RHBDF1: variants seen among roughly 807,000 people sequenced by gnomAD.
RHBDF1 encodes inactive rhomboid protein 1.
RHBDF1 carries 80 observed loss-of-function variants against 98.6 expected under a neutral mutation model. That is an observed-to-expected ratio of 0.81 (90% confidence interval 0.68 to 0.98). The LOEUF (loss-of-function observed/expected upper bound fraction) is 0.98, where lower values mean the gene tolerates loss of function less well. RHBDF1 is among the 50% of genes least tolerant of loss of function. The probability of loss-of-function intolerance (pLI) is 0.00; values close to 1 mark genes in which losing one functional copy is unlikely to be tolerated. For missense variants in RHBDF1, 1,116 were observed against 1,198.3 expected, an observed-to-expected ratio of 0.93 and a Z score of 1.01; for synonymous variants, 512 against 486.8, an observed-to-expected ratio of 1.05 and a Z score of -0.68.
chr16:64,763 G>T lies in RHBDF1; in HGVS notation c.184C>A (p.Pro62Thr). ...MPAETAHISS[P>T]HHELRRPVLQ... ...ACCGGCCGCCGGAGCTCATGGTGGG[G>T]TGAAGAGATGTGGGCTGTCTCGGCT... The change falls in exon 3 of 18, where the codon CCC (proline) becomes ACC (threonine). Residue 62 changes from proline (P) to threonine (T), a missense_variant. Pro to Thr is a conservative substitution (Grantham distance 38). Transcript: ENST00000262316. 2 of 1,614,112 alleles carry T rather than the reference G, an allele frequency of 1.2e-6. No individual in the cohort carries two copies. Among genetic ancestry groups the T allele is most frequent in the South Asian group, 2.2e-5 (2 of 91,082 alleles).
chr16:59,973 GTCTC>G lies in RHBDF1; in HGVS notation c.1723-151_1723-148del, dbSNP rs1239253951. The G allele has an allele frequency of 1.2e-5, 18 of 1,492,692 alleles. 1 individual carries two copies. The Admixed American group carries it at 3.6e-4, about 30-fold the overall frequency. The allele number at this position is 1,492,692 out of a possible 1,614,324, so 92.5% of individuals were successfully genotyped here. On this transcript the variant is annotated intron_variant, in intron 13 of 17. Transcript: ENST00000262316. ...GACTTCAAGCAGGCCACCACACTGA[GTCTC>G]TATCAAACTGGAATAATGTCACTTG... is the stretch of plus-strand genomic sequence containing the variant.
rs1897648561 is a variant in RHBDF1 at position 61,991 on chromosome 16, G to A, written c.1015C>T (p.Arg339Trp). 1 of 1,572,620 alleles carries A rather than the reference G, an allele frequency of 6.4e-7. No homozygotes were observed. The highest frequency in any genetic ancestry group is 2.3e-5 in the East Asian group (1 of 43,048). Residue 339 changes from arginine (R) to tryptophan (W), a missense_variant, in exon 8 of 18, where the codon CGG becomes TGG. By Grantham distance (101) the Arg-to-Trp change is moderately radical (BLOSUM62 -3). Coordinates refer to ENST00000262316, the MANE Select transcript of RHBDF1 (RefSeq NM_022450.5). ...GTGCTCACCACCTCCTGTCGGAGCC[G>A]CACCTTGGGCTGCGGGGCTGCGGCG... ...EGAAAPQPKV[R>W]LRQEVVSTAG...
intron 10 of RHBDF1, 44 bp from the exon 11 acceptor site, chr16:61,325 C>T: frequency 1.3e-6 from 2 of 1,543,112 alleles, no homozygotes; most frequent in African/African-American, 1.4e-5. Context: ...GGGCCTCCTG[C>T]CCCCGCCGGG....
At chr16:62,431 G>A in intron 7 of RHBDF1, 107 bp downstream of exon 7, 3 of 1,433,918 alleles carry the variant, frequency 2.1e-6, no homozygotes, top group Non-Finnish European at 2.9e-6. Context: ...CAGTCCCTGA[G>A]GCTACCCCTT....
rs1266476871 is a variant in RHBDF1, at chr16:63,617, G to A, written c.432C>T (p.Tyr144=). ...GCATGCCCAGCTGGCATGGCCCCACGTAGAGTGGGGGTGGCGTCTCGGTGC... is the reference window on the plus strand; with the variant it reads ...GCATGCCCAGCTGGCATGGCCCCACATAGAGTGGGGGTGGCGTCTCGGTGC... ...LTSTETPPPL[Y]VGPCQLGMQK... is the part of the protein sequence containing the mutation. Residue 144 remains tyrosine (Y), a synonymous_variant, in exon 4 of 18, where the codon TAC becomes TAT. Coordinates refer to ENST00000262316, the MANE Select transcript of RHBDF1 (RefSeq NM_022450.5). 8.8e-6 allele frequency: 14 copies of A among 1,582,356 alleles called. No individual in the cohort carries two copies. Among genetic ancestry groups the A allele is most frequent in the East Asian group, 4.5e-5 (2 of 44,544 alleles).
chr16:58,840 T>C, intron 17 of RHBDF1, 81 bp from the exon 18 acceptor site: 3 of 1,558,240 alleles, frequency 1.9e-6, no homozygotes, highest in Non-Finnish European at 2.6e-6. Flanking sequence ...TCTGCCCCAC[T>C]TCCCATGGCC....
intron 13 of RHBDF1, 37 bp downstream of exon 13, chr16:60,179 C>A (rs771563359): frequency 3.1e-6 from 5 of 1,613,480 alleles, no homozygotes; most frequent in African/African-American, 2.7e-5. Context: ...CCACATGACA[C>A]GGAGGGCTCC....
chr16:58,804 G>A (rs770785026), intron 17 of RHBDF1, 45 bp from the exon 18 acceptor site: 2 of 1,589,652 alleles, frequency 1.3e-6, no homozygotes, highest in Non-Finnish European at 1.7e-6. Context: ...GGCTGGGCAG[G>A]CCCCCTGGAC....
chr16:61,770 C>T lies in RHBDF1; in HGVS notation c.1208+28G>A. ...CACCCTCCCCCGGGAGCCTCCATCCCAACCCAGGCCTTGCCTGCCACGCCT... is the reference window on the plus strand; with the variant it reads ...CACCCTCCCCCGGGAGCCTCCATCCTAACCCAGGCCTTGCCTGCCACGCCT... On this transcript the variant is annotated intron_variant, in intron 8 of 17. Coordinates refer to ENST00000262316, the MANE Select transcript of RHBDF1 (RefSeq NM_022450.5). 1.9e-6 allele frequency: 3 copies of T among 1,612,336 alleles called. No homozygotes were observed. In the South Asian group the frequency reaches 3.3e-5, roughly 18 times the overall value.
chr16:61,295 AGACGAGC>A lies in RHBDF1; in HGVS notation c.1396-21_1396-15del. Reference sequence around the variant, plus strand: ...GATGAGGGCCTCCTGCGGGCGAGGGAGACGAGCGGCCGCAGTCCGGGGCCTCCTGCCC... The same window carrying A: ...GATGAGGGCCTCCTGCGGGCGAGGGAGGCCGCAGTCCGGGGCCTCCTGCCC... On this transcript the variant is annotated splice_polypyrimidine_tract_variant and intron_variant, in intron 10 of 17. Transcript: ENST00000262316. 1 of 1,542,320 alleles carries A rather than the reference AGACGAGC, an allele frequency of 6.5e-7. No individual in the cohort carries two copies. The highest frequency in any genetic ancestry group is 8.7e-7 in the Non-Finnish European group (1 of 1,143,396).
At chr16:69,573 C>A (rs2141867664) in intron 1 of RHBDF1, among the ~76,000 whole-genome samples, 1 of 152,158 alleles carries the variant, frequency 6.6e-6, no homozygotes, top group Non-Finnish European at 1.5e-5. Flanking sequence ...AAGCTCAATC[C>A]TAGATCTCCC....
intron 13 of RHBDF1, 166 bp from the exon 14 acceptor site, chr16:59,992 A>G: frequency 6.8e-7 from 1 of 1,479,250 alleles, no homozygotes; most frequent in Non-Finnish European, 9.0e-7. Flanking sequence ...AAACTGGAAT[A>G]ATGTCACTTG....
rs936029415 is a variant in RHBDF1, at chr16:72,522, C to T, written c.-34G>A. The T allele has an allele frequency of 4.8e-6, 4 of 831,030 alleles. No homozygotes were observed. The African/African-American group carries it at 1.9e-4, about 39-fold the overall frequency. 51.5% of individuals were successfully genotyped at this position (831,030 alleles called of 1,614,324 possible). A position where few individuals can be genotyped will look rare whatever the true frequency, so the allele number is the denominator to read the frequency against. On this transcript the variant is annotated 5_prime_UTR_variant, in exon 1 of 18. Transcript: ENST00000262316. Reference sequence around the variant, plus strand: ...GGCCGCGCTCACTCACTGCCGCCGCCGGGGGCTCTGGGGGGTCCTGAGGGC... The same window carrying T: ...GGCCGCGCTCACTCACTGCCGCCGCTGGGGGCTCTGGGGGGTCCTGAGGGC...
chr16:68,071 G>A (rs1447469095), intron 1 of RHBDF1, among the ~76,000 whole-genome samples: 3 of 152,174 alleles, frequency 2.0e-5, no homozygotes, highest in African/African-American at 7.2e-5. Context: ...CTCAGCCGGG[G>A]ACCACAGTCG....
At chr16:69,140 G>A (rs925251442) in intron 1 of RHBDF1, among the ~76,000 whole-genome samples, 1 of 152,140 alleles carries the variant, frequency 6.6e-6, no homozygotes, top group Admixed American at 6.5e-5. Flanking sequence ...GGCAGCCCTG[G>A]GGACACCTGG....
chr16:68,496 C>A (rs1329388540), intron 1 of RHBDF1, among the ~76,000 whole-genome samples: 2 of 152,238 alleles, frequency 1.3e-5, no homozygotes, highest in African/African-American at 4.8e-5. Context: ...AGTGTCTCCC[C>A]CACCCCGCTG....
chr16:59,494 C>A lies in RHBDF1; in HGVS notation c.1818G>T (p.Arg606Ser). 1.9e-6 allele frequency: 3 copies of A among 1,613,040 alleles called. No homozygotes were observed. Among genetic ancestry groups the A allele is most frequent in the Non-Finnish European group, 2.5e-6 (3 of 1,179,800 alleles). The change falls in exon 15 of 18, where the codon AGG becomes AGT. Residue 606 changes from arginine (R) to serine (S), a missense_variant and splice_region_variant. Arg to Ser is a moderately radical substitution (Grantham distance 110). Coordinates refer to ENST00000262316, the MANE Select transcript of RHBDF1 (RefSeq NM_022450.5). ...AGTACTCCCGGGAGGTGATCTCACA[C>A]CTAGAAAGGCAGGCCAGGGTTCGGA... Reference protein sequence around the residue: ...GRPCCIGTKGRCEITSREYCD... With the variant: ...GRPCCIGTKGSCEITSREYCD...
At chr16:74,650 C>G (rs1426387416), upstream of RHBDF1, 1 of 152,186 alleles carries the variant, frequency 6.6e-6, no homozygotes, top group Admixed American at 6.5e-5. Context: ...GGGGTCGATA[C>G]ACGTGTGCTC....
Position 64,364 on chromosome 16 carries a change from G to C in RHBDF1, c.248+335C>G, listed in dbSNP as rs753712945. ...AGGGACCAAGAGAGAGACTGGCGCT[G>C]TGGGAAGGCCCTGCGGGCAGCCCGG... On this transcript the variant is annotated intron_variant, in intron 3 of 17. Transcript: ENST00000262316. The C allele has an allele frequency of 1.4e-5, 19 of 1,375,360 alleles. No individual in the cohort carries two copies. The South Asian group carries it at 2.1e-4, about 15-fold the overall frequency. 85.2% of individuals were successfully genotyped at this position (1,375,360 alleles called of 1,614,324 possible). A position where few individuals can be genotyped will look rare whatever the true frequency, so the allele number is the denominator to read the frequency against.
Sources: gnomAD v4.1 joint callset for allele counts (sites outside exome capture counted in the v4.1 genomes callset) on GRCh38, gnomAD v4.1.1 for gene constraint, MANE v1.5 for transcripts, NCBI Gene and HGNC (gene_info 2026-07-23, HGNC 2026-07-21) for gene names.